The following OTOG variants were observed in gnomAD, a reference collection of about 807,000 sequenced individuals.
The protein encoded by OTOG is otogelin.
OTOG carries 296 observed loss-of-function variants against 313.8 expected under a neutral mutation model. That is an observed-to-expected ratio of 0.94 (90% CI 0.86 to 1.04). The LOEUF (loss-of-function observed/expected upper bound fraction) is 1.04, where lower values mean the gene tolerates loss of function less well. Ranked by LOEUF, OTOG falls within the 50% of genes least tolerant of loss-of-function variation. The pLI is 0.00. For synonymous variants in OTOG, 1,533 were observed against 1,554.9 expected (o/e 0.99, Z 0.33); for missense variants, 3,948 against 3,840.1 (o/e 1.03, Z -0.74).
chr11:17,563,640 A>C (rs1459758206), intron 15 of OTOG, among the ~76,000 whole-genome samples: 1 of 151,942 alleles, frequency 6.6e-6, no homozygotes, highest in African/African-American at 2.4e-5. Context: ...CCACTTACAG[A>C]ATCCTGGGGG....
At chr11:17,603,522 C>T (rs1332604000) in intron 32 of OTOG, among the ~76,000 whole-genome samples, 2 of 152,148 alleles carry the variant, frequency 1.3e-5, no homozygotes, top group African/African-American at 4.8e-5. Context: ...TCACTGGGGG[C>T]AGGATGCCAG....
Position 17,631,918 on chromosome 11 carries a change from G to A in OTOG, c.6929G>A (p.Arg2310His), listed in dbSNP as rs1263417646. 13 of 1,549,450 alleles carry A rather than the reference G, an allele frequency of 8.4e-6. No individual in the cohort carries two copies. The highest frequency in any genetic ancestry group is 7.8e-5 in the Admixed American group (4 of 51,016). The change falls in exon 41 of 56, where the codon CGC (arginine) becomes CAC (histidine). Residue 2310 changes from arginine to histidine, a missense_variant. By Grantham distance (29) the Arg-to-His change is conservative (BLOSUM62 0). Coordinates refer to ENST00000399397, the MANE Select transcript of OTOG (RefSeq NM_001292063.2). ...AACCGCACCTTCAGTGCCTGCCACC[G>A]CTTTGTATGTGCCAACTGGGTCCAG... ...VSNRTFSACH[R>H]FVPPESFCEL...
intron 39 of OTOG, 148 bp from the exon 40 acceptor site, chr11:17,628,985 G>A: frequency 5.5e-6 from 4 of 730,028 alleles, no homozygotes; most frequent in Non-Finnish European, 8.5e-6. Flanking sequence ...GCCTGAAACA[G>A]AGCCTGGCAC....
chr11:17,592,996 A>C (rs1590026106), intron 25 of OTOG, among the ~76,000 whole-genome samples, 197 bp from the exon 26 acceptor site: 1 of 152,214 alleles, frequency 6.6e-6, no homozygotes. Flanking sequence ...GAGTCACTAC[A>C]TGTTAAACAC....
In OTOG at chr11:17,610,075, C is replaced by T; in HGVS notation, c.4775C>T (p.Thr1592Ile). The T allele has an allele frequency of 6.4e-7, 1 of 1,550,580 alleles. No homozygotes were observed. The highest frequency in any genetic ancestry group is 8.7e-7 in the Non-Finnish European group (1 of 1,146,938). ...VSGAMETTRV[T>I]VIFAGSPNIT... ...GGTGCCATGGAGACAACAAGGGTGA[C>T]TGTGATCTTTGCAGGAAGCCCTAAC... Residue 1592 changes from threonine to isoleucine, a missense_variant, in exon 36 of 56, where the codon ACT becomes ATT. Transcript: ENST00000399397.
rs1172749428 is a variant in OTOG at position 17,634,245 on chromosome 11, C to T, written c.7444C>T (p.Pro2482Ser). ...LRFGEVALLL[P>S]TKDPCCLGTV... ...ATTCGGGGAGGTGGCCTTGCTCCTA[C>T]CCACCAAGGACCCCTGCTGCCTGGG... The change falls in exon 44 of 56, where the codon CCC (proline) becomes TCC (serine). Residue 2482 changes from proline (P) to serine (S), a missense_variant. By Grantham distance (74) the Pro-to-Ser change is moderately conservative. Coordinates refer to ENST00000399397, the MANE Select transcript of OTOG (RefSeq NM_001292063.2). The T allele has an allele frequency of 2.6e-6, 4 of 1,550,366 alleles. No homozygotes were observed. Among genetic ancestry groups the T allele is most frequent in the Non-Finnish European group, 3.5e-6 (4 of 1,146,944 alleles).
Position 17,609,929 on chromosome 11 carries a change from C to G in OTOG, c.4629C>G (p.Ala1543=). 5 of 1,530,206 alleles carry G rather than the reference C, an allele frequency of 3.3e-6. No homozygotes were observed. The South Asian group carries it at 6.2e-5, about 19-fold the overall frequency. 94.8% of individuals were successfully genotyped at this position (1,530,206 alleles called of 1,614,324 possible). A position where few individuals can be genotyped will look rare whatever the true frequency, so the allele number is the denominator to read the frequency against. The stretch of plus-strand genomic sequence containing the variant: ...AGCTCACTGCATCTCAACTCCCCGC[C>G]GGCCCCACGGAGTCCCCAGCCAGCA... ...PLELTASQLP[A]GPTESPASKG... is the part of the protein sequence containing the mutation. Residue 1543 remains alanine, a synonymous_variant, in exon 36 of 56, where the codon GCC becomes GCG. Coordinates refer to ENST00000399397, the MANE Select transcript of OTOG (RefSeq NM_001292063.2).
chr11:17,637,175 G>A (rs181492834), intron 47 of OTOG, among the ~76,000 whole-genome samples: 83 of 152,208 alleles, frequency 5.5e-4, no homozygotes, highest in Admixed American at 1.6e-3. Context: ...TTCTCTCTAT[G>A]GCTTTATATA....
Position 17,591,600 on chromosome 11 carries a change from G to T in OTOG, c.3006+12G>T. The stretch of plus-strand genomic sequence containing the variant: ...TGCACCTGGTCAAGGTGAGTTCCCG[G>T]ATGTTTCTGCCCAGTTGGCTCCATG... On this transcript the variant is annotated intron_variant, in intron 25 of 55. Coordinates refer to ENST00000399397, the MANE Select transcript of OTOG (RefSeq NM_001292063.2). 1 of 1,550,334 alleles carries T rather than the reference G, an allele frequency of 6.5e-7. No individual in the cohort carries two copies. The highest frequency in any genetic ancestry group is 8.7e-7 in the Non-Finnish European group (1 of 1,146,984).
At chr11:17,578,036 T>G (rs1852576844) in intron 22 of OTOG, among the ~76,000 whole-genome samples, 1 of 152,138 alleles carries the variant, frequency 6.6e-6, no homozygotes, top group Non-Finnish European at 1.5e-5. Context: ...GAGAAGTGGC[T>G]TCACTCCATT....
chr11:17,595,976 T>G, intron 28 of OTOG, 62 bp from the exon 29 acceptor site: 1 of 1,170,130 alleles, frequency 8.5e-7, no homozygotes, highest in Non-Finnish European at 1.2e-6. Context: ...AATCTGTCTG[T>G]CATGTCAGGC....
intron 53 of OTOG, 138 bp downstream of exon 53, chr11:17,642,384 CAT>C: frequency 8.4e-7 from 1 of 1,190,832 alleles, no homozygotes; most frequent in Non-Finnish European, 1.1e-6. Flanking sequence ...ACCCCAAATC[CAT>C]ATGTCTCTCT....
Position 17,570,406 on chromosome 11 carries a change from A to T in OTOG, c.1955+16A>T. 1 of 1,549,430 alleles carries T rather than the reference A, an allele frequency of 6.5e-7. No homozygotes were observed. The highest frequency in any genetic ancestry group is 8.7e-7 in the Non-Finnish European group (1 of 1,146,234). On this transcript the variant is annotated intron_variant, in intron 17 of 55. Transcript: ENST00000399397. ...ATGACTTCCTGTACGTAGCCCTGCC[A>T]CGGAACCCGAAGAAGAGGGGAAATG...
At chr11:17,578,591 G>T in intron 23 of OTOG, 65 bp downstream of exon 23, 1 of 1,457,028 alleles carries the variant, frequency 6.9e-7, no homozygotes, top group South Asian at 1.4e-5. Context: ...GCCACAGGGT[G>T]GAGTGGGGGC....
chr11:17,601,065 T>C (rs1179752164), intron 31 of OTOG, among the ~76,000 whole-genome samples: 1 of 152,210 alleles, frequency 6.6e-6, no homozygotes, highest in Non-Finnish European at 1.5e-5. Context: ...GTTTACGCCA[T>C]GGAAATCCAG....
intron 1 of OTOG, 75 bp downstream of exon 1, chr11:17,547,541 G>C: frequency 1.6e-6 from 2 of 1,277,382 alleles, no homozygotes; most frequent in Middle Eastern, 4.1e-4. Context: ...GAATGGGCCC[G>C]CGCAGGTTGG....
chr11:17,609,137 G>T lies in OTOG; in HGVS notation c.4282G>T (p.Gly1428Cys), dbSNP rs1292629069. 1.3e-6 allele frequency: 2 copies of T among 1,550,380 alleles called. No individual in the cohort carries two copies. Among genetic ancestry groups the T allele is most frequent in the Non-Finnish European group, 1.7e-6 (2 of 1,146,896 alleles). ...TCCCTGCTCTGTCCTCAGGGTAGAA[G>T]GCTGTGTCCCTGTGTGCCCCACCCC... ...ASCRDVPRVE[G>C]CVPVCPTPQV... Residue 1428 changes from glycine to cysteine, a missense_variant, in exon 35 of 56, where the codon GGC becomes TGC. By Grantham distance (159) the Gly-to-Cys change is radical. Coordinates refer to ENST00000399397, the MANE Select transcript of OTOG (RefSeq NM_001292063.2).
intron 36 of OTOG, among the ~76,000 whole-genome samples, chr11:17,611,654 ATG>A (rs1355130153): frequency 1.3e-5 from 2 of 151,986 alleles, no homozygotes; most frequent in Non-Finnish European, 2.9e-5. Flanking sequence ...CCAGGTGACA[ATG>A]TGTGTGTGCT....
rs1305980583 is a variant in OTOG, at chr11:17,610,952, C to T, written c.5652C>T (p.Thr1884=). The stretch of plus-strand genomic sequence containing the variant: ...TGCTGCTGGGAGCCACATTGCCAAC[C>T]TCTGGAGTCCTGCCTGTGGCTGAGG... The part of the protein sequence containing the change: ...PGLLLGATLP[T]SGVLPVAEGT... Residue 1884 remains threonine (T), a synonymous_variant, in exon 36 of 56, where the codon ACC becomes ACT. Transcript: ENST00000399397. 6.4e-7 allele frequency: 1 copy of T among 1,550,392 alleles called. No homozygotes were observed. The highest frequency in any genetic ancestry group is 1.4e-5 in the African/African-American group (1 of 73,040).
Sources: allele counts gnomAD v4.1 joint callset (sites outside exome capture counted in the v4.1 genomes callset), GRCh38; gene constraint gnomAD v4.1.1; transcripts MANE v1.5; gene names NCBI Gene and HGNC (gene_info 2026-07-23, HGNC 2026-07-21).